JAM3: variants seen among roughly 807,000 people sequenced by gnomAD.
JAM3 encodes junctional adhesion molecule 3.
A neutral mutation model predicts 39.4 loss-of-function variants in JAM3; 31 were observed. That is an observed-to-expected ratio of 0.79 (90% confidence interval 0.59 to 1.06). The LOEUF is 1.06. Ranked by LOEUF, JAM3 falls within the 50% of genes least tolerant of loss-of-function variation. JAM3 has a pLI of 0.00. For missense variants in JAM3, 455 were observed against 391.4 expected, an observed-to-expected ratio of 1.16 and a Z score of -1.37; for synonymous variants, 182 against 148.7, an observed-to-expected ratio of 1.22 and a Z score of -1.63.
rs1452317019 is a variant in JAM3, at chr11:134,150,900, G to A, written c.*1719G>A. 6.6e-6 allele frequency: 1 copy of A among 152,182 alleles called. No individual in the cohort carries two copies. Among genetic ancestry groups the A allele is most frequent in the Non-Finnish European group, 1.5e-5 (1 of 68,042 alleles). The allele number at this position is 152,182 out of a possible 1,614,324, so 9.4% of individuals were successfully genotyped here. On this transcript the variant is annotated 3_prime_UTR_variant, in exon 9 of 9. Coordinates refer to ENST00000299106, the MANE Select transcript of JAM3 (RefSeq NM_032801.5). ...TGAAAGGCCTGGCGGGGAGGAAAGT[G>A]AAACGCCTGAATCAAAAGCAGTTTT...
At chr11:134,133,833 G>T (rs1003026491) in intron 1 of JAM3, among the ~76,000 whole-genome samples, 1 of 152,042 alleles carries the variant, frequency 6.6e-6, no homozygotes, top group Non-Finnish European at 1.5e-5. Flanking sequence ...TATTTTCCTG[G>T]GTAATCATGT....
chr11:134,139,082 G>C (rs947595426), intron 1 of JAM3, among the ~76,000 whole-genome samples: 9 of 152,166 alleles, frequency 5.9e-5, no homozygotes, highest in African/African-American at 1.9e-4. Context: ...ATATTTTGTA[G>C]GTAGTCCATG....
At chr11:134,114,163 A>G (rs1942376118) in intron 1 of JAM3, among the ~76,000 whole-genome samples, 1 of 152,100 alleles carries the variant, frequency 6.6e-6, no homozygotes, top group South Asian at 2.1e-4. Context: ...CTGTGATGGT[A>G]GTTTCTTTTG....
At chr11:134,093,536 TTCA>T (rs1941915604) in intron 1 of JAM3, among the ~76,000 whole-genome samples, 1 of 134,144 alleles carries the variant, frequency 7.5e-6, no homozygotes, top group South Asian at 2.5e-4. Flanking sequence ...GCCCTCCTTA[TTCA>T]TCATGTTCCA....
intron 1 of JAM3, among the ~76,000 whole-genome samples, chr11:134,082,011 T>G (rs929250040): frequency 1.3e-5 from 2 of 152,252 alleles, no homozygotes; most frequent in African/African-American, 4.8e-5. Flanking sequence ...TTTGACTGCC[T>G]TGTTGGATTT....
intron 6 of JAM3, 23 bp from the exon 7 acceptor site, chr11:134,148,524 C>T (rs1427724897): frequency 5.6e-6 from 9 of 1,614,118 alleles, no homozygotes; most frequent in Non-Finnish European, 7.6e-6. Context: ...ATCATGGCTT[C>T]CACCAAACCT....
At chr11:134,127,422 G>C (rs1353710338) in intron 1 of JAM3, among the ~76,000 whole-genome samples, 1 of 152,210 alleles carries the variant, frequency 6.6e-6, no homozygotes, top group Non-Finnish European at 1.5e-5. Flanking sequence ...CTTTTGGCCG[G>C]GCGTGGTGGC....
At position 134,151,550 on chromosome 11, in the gene JAM3, T is replaced by C. The variant is rs1178077673; in HGVS notation, c.*2369T>C. The stretch of plus-strand genomic sequence containing the variant: ...AGAAGTGAAAGTAGAGTCTGGGAAG[T>C]AGCTGCCTATAACTGAGACTAGACG... On this transcript the variant is annotated 3_prime_UTR_variant, in exon 9 of 9. Coordinates refer to ENST00000299106, the MANE Select transcript of JAM3 (RefSeq NM_032801.5). 3 of 152,182 alleles carry C rather than the reference T, an allele frequency of 2.0e-5. No individual in the cohort carries two copies. The highest frequency in any genetic ancestry group is 4.8e-5 in the African/African-American group (2 of 41,450). The allele number at this position is 152,182 out of a possible 1,614,324, so 9.4% of individuals were successfully genotyped here.
chr11:134,090,190 A>G (rs1366426340), intron 1 of JAM3, among the ~76,000 whole-genome samples: 1 of 152,286 alleles, frequency 6.6e-6, no homozygotes, highest in East Asian at 1.9e-4. Context: ...AGTTCATTGT[A>G]GATTCTGGAT....
chr11:134,151,041 C>T lies in JAM3; in HGVS notation c.*1860C>T, dbSNP rs1414074584. On this transcript the variant is annotated 3_prime_UTR_variant, in exon 9 of 9. Coordinates refer to ENST00000299106, the MANE Select transcript of JAM3 (RefSeq NM_032801.5). ...TCAAGAGCAGGTGTTCTCAGCCTCACATGCCCTGCCGTGCTGGACTCAGGA... is the reference window on the plus strand; with the variant it reads ...TCAAGAGCAGGTGTTCTCAGCCTCATATGCCCTGCCGTGCTGGACTCAGGA... 1.3e-5 allele frequency: 2 copies of T among 152,302 alleles called. No individual in the cohort carries two copies. The highest frequency in any genetic ancestry group is 3.8e-4 in the East Asian group (2 of 5,206). The allele number at this position is 152,302 out of a possible 1,614,324, so 9.4% of individuals were successfully genotyped here.
At chr11:134,125,209 A>G (rs1307635287) in intron 1 of JAM3, among the ~76,000 whole-genome samples, 2 of 152,208 alleles carry the variant, frequency 1.3e-5, no homozygotes, top group Non-Finnish European at 2.9e-5. Flanking sequence ...AGCCAAAAGC[A>G]GCTCCCGCCC....
intron 1 of JAM3, among the ~76,000 whole-genome samples, chr11:134,110,786 C>T (rs1372981562): frequency 8.6e-5 from 13 of 151,954 alleles, no homozygotes; most frequent in Admixed American, 8.5e-4. Flanking sequence ...CAAAGCTTTA[C>T]GTATATGCTA....
chr11:134,069,796 G>C (rs1192326122), intron 1 of JAM3, among the ~76,000 whole-genome samples: 2 of 152,216 alleles, frequency 1.3e-5, no homozygotes, highest in African/African-American at 4.8e-5. Flanking sequence ...GGGCTGCTTG[G>C]TCACAGCCCT....
chr11:134,104,360 G>A (rs1034125150), intron 1 of JAM3, among the ~76,000 whole-genome samples: 9 of 152,202 alleles, frequency 5.9e-5, no homozygotes, highest in Non-Finnish European at 8.8e-5. Flanking sequence ...TTAAAGTAGT[G>A]TGTAGAGGGA....
At chr11:134,081,150 C>G (rs1437224482) in intron 1 of JAM3, among the ~76,000 whole-genome samples, 2 of 152,140 alleles carry the variant, frequency 1.3e-5, no homozygotes, top group African/African-American at 2.4e-5. Flanking sequence ...TAAAGGCATT[C>G]AGTTTTATAA....
At chr11:134,148,505 ATAGT>A in intron 6 of JAM3, 38 bp from the exon 7 acceptor site, 3 of 1,613,444 alleles carry the variant, frequency 1.9e-6, no homozygotes, top group Non-Finnish European at 2.5e-6. Context: ...TAAATAACAG[ATAGT>A]GTGTATCATG....
At chr11:134,097,690 A>G (rs1942007275) in intron 1 of JAM3, among the ~76,000 whole-genome samples, 1 of 152,080 alleles carries the variant, frequency 6.6e-6, no homozygotes, top group South Asian at 2.1e-4. Flanking sequence ...TAAACTAACA[A>G]TTGCTGTATT....
At chr11:134,102,178 A>G (rs1229151888) in intron 1 of JAM3, among the ~76,000 whole-genome samples, 2 of 152,204 alleles carry the variant, frequency 1.3e-5, no homozygotes, top group East Asian at 3.8e-4. Flanking sequence ...TAAGGGATGG[A>G]GTTCATATAA....
At chr11:134,098,288 G>A (rs1453985161) in intron 1 of JAM3, among the ~76,000 whole-genome samples, 3 of 152,152 alleles carry the variant, frequency 2.0e-5, no homozygotes, top group Non-Finnish European at 4.4e-5. Context: ...CAACTTCAGA[G>A]AGGAAAACTA....
Sources: gnomAD v4.1 joint callset for allele counts (sites outside exome capture counted in the v4.1 genomes callset) on GRCh38, gnomAD v4.1.1 for gene constraint, MANE v1.5 for transcripts, NCBI Gene and HGNC (gene_info 2026-07-23, HGNC 2026-07-21) for gene names.